The following DYRK1A variants were observed in gnomAD, a reference collection of about 807,000 sequenced individuals.
The protein encoded by DYRK1A is dual specificity tyrosine phosphorylation regulated kinase 1A.
DYRK1A carries 9 observed loss-of-function variants against 79.7 expected under a neutral mutation model. The ratio of observed to expected loss-of-function variants is 0.11; its 90% CI spans 0.07 to 0.20. The LOEUF is 0.20. DYRK1A is among the 10% of genes least tolerant of loss of function. The pLI is 1.00. For synonymous variants in DYRK1A, 349 were observed against 329.7 expected, an observed-to-expected ratio of 1.06 and a Z score of -0.63; for missense variants, 622 against 956.0, an observed-to-expected ratio of 0.65 and a Z score of 4.61.
intron 1 of DYRK1A, among the ~76,000 whole-genome samples, chr21:37,411,217 G>A (rs555614530): frequency 6.6e-5 from 10 of 151,952 alleles, no homozygotes; most frequent in African/African-American, 1.9e-4. Context: ...TTAGCCAGGC[G>A]TGATGGTGTG....
chr21:37,486,007 C>CT (rs1221460754), intron 5 of DYRK1A: 2 of 151,988 alleles, frequency 1.3e-5, no homozygotes, highest in Non-Finnish European at 2.9e-5. Flanking sequence ...AGAAAGTTAT[C>CT]TGAAGCCTTC....
At chr21:37,393,045 C>T (rs2049899482) in intron 1 of DYRK1A, among the ~76,000 whole-genome samples, 1 of 152,250 alleles carries the variant, frequency 6.6e-6, no homozygotes. Context: ...TTCCAAAATC[C>T]TCATCTCCCA....
Position 37,512,632 on chromosome 21 carries a change from C to T in DYRK1A, c.*101C>T. 7.3e-7 allele frequency: 1 copy of T among 1,369,398 alleles called. No individual in the cohort carries two copies. The highest frequency in any genetic ancestry group is 1.4e-5 in the South Asian group (1 of 71,296). 84.8% of individuals were successfully genotyped at this position (1,369,398 alleles called of 1,614,324 possible). ...GCTGCTTGAATCAGGAGGAGATTAA[C>T]ACACTGAACCGCTACAAGAGGGCAA... On this transcript the variant is annotated 3_prime_UTR_variant, in exon 12 of 12. Transcript: ENST00000647188.
chr21:37,504,218 G>T (rs946263176), intron 9 of DYRK1A: 1 of 152,266 alleles, frequency 6.6e-6, no homozygotes, highest in African/African-American at 2.4e-5. Context: ...AAATCTAGTG[G>T]TCTCTATACA....
At chr21:37,388,835 G>A (rs753845109) in intron 1 of DYRK1A, among the ~76,000 whole-genome samples, 16 of 151,472 alleles carry the variant, frequency 1.1e-4, no homozygotes, top group Non-Finnish European at 2.4e-4. Context: ...TAGTAGAGAC[G>A]GGGTTTCACT....
Position 37,524,339 on chromosome 21 carries a change from CAAG to C in DYRK1A, c.*11811_*11813del, listed in dbSNP as rs564665879. On this transcript the variant is annotated 3_prime_UTR_variant, in exon 12 of 12. Transcript: ENST00000647188. ...CACTCATCAAGATATTTCTAATTCA[CAAG>C]AAAGCAATGGTCAGAAAAATTAGAA... 6.6e-5 allele frequency: 10 copies of C among 152,086 alleles called. No individual in the cohort carries two copies. The highest frequency in any genetic ancestry group is 5.9e-5 in the Non-Finnish European group (4 of 68,028). 9.4% of individuals were successfully genotyped at this position (152,086 alleles called of 1,614,324 possible).
chr21:37,427,909 T>C (rs571343776), intron 2 of DYRK1A, among the ~76,000 whole-genome samples: 2 of 152,324 alleles, frequency 1.3e-5, no homozygotes, highest in South Asian at 4.1e-4. Flanking sequence ...CCTTTTATCA[T>C]TCTTTGTTGA....
Position 37,520,037 on chromosome 21 carries a change from T to G in DYRK1A, c.*7506T>G, listed in dbSNP as rs563983470. 6.6e-6 allele frequency: 1 copy of G among 152,250 alleles called. No individual in the cohort carries two copies. Among genetic ancestry groups the G allele is most frequent in the South Asian group, 2.1e-4 (1 of 4,826 alleles). 9.4% of individuals were successfully genotyped at this position (152,250 alleles called of 1,614,324 possible). A position where few individuals can be genotyped will look rare whatever the true frequency, so the allele number is the denominator to read the frequency against. On this transcript the variant is annotated 3_prime_UTR_variant, in exon 12 of 12. Coordinates refer to ENST00000647188, the MANE Select transcript of DYRK1A (RefSeq NM_001347721.2). ...TGGGATTACAGGTGTGAGGGAGTTT[T>G]TCGGTAGTTTGCTTTGCCTTGATAA...
intron 1 of DYRK1A, among the ~76,000 whole-genome samples, chr21:37,388,896 G>A (rs2049815605): frequency 6.6e-6 from 1 of 151,534 alleles, no homozygotes; most frequent in East Asian, 1.9e-4. Context: ...CACCAGCCTC[G>A]GCCTCCCAAA....
chr21:37,407,450 T>C (rs1189026452), intron 1 of DYRK1A, among the ~76,000 whole-genome samples: 1 of 152,210 alleles, frequency 6.6e-6, no homozygotes, highest in Non-Finnish European at 1.5e-5. Flanking sequence ...AACCTGCACT[T>C]CTGTAACAGA....
chr21:37,470,185 G>C (rs2052174375), intron 2 of DYRK1A, among the ~76,000 whole-genome samples: 1 of 152,068 alleles, frequency 6.6e-6, no homozygotes, highest in African/African-American at 2.4e-5. Context: ...TGGAGGTCAG[G>C]ATAGTAGTAA....
intron 1 of DYRK1A, among the ~76,000 whole-genome samples, chr21:37,372,918 A>G (rs1168037169): frequency 1.3e-5 from 2 of 152,082 alleles, no homozygotes; most frequent in Non-Finnish European, 2.9e-5. Flanking sequence ...TGCAAATATG[A>G]TTATTCATAT....
chr21:37,418,094 T>A (rs773290075), intron 1 of DYRK1A, among the ~76,000 whole-genome samples: 8 of 152,220 alleles, frequency 5.3e-5, no homozygotes, highest in Non-Finnish European at 8.8e-5. Context: ...AATTATCTGC[T>A]TATTGTCATA....
At chr21:37,384,655 G>T (rs2049724522) in intron 1 of DYRK1A, among the ~76,000 whole-genome samples, 1 of 152,154 alleles carries the variant, frequency 6.6e-6, no homozygotes, top group Non-Finnish European at 1.5e-5. Context: ...TAAAGAAGCA[G>T]GTTAACATGA....
At chr21:37,448,664 A>G (rs903123782) in intron 2 of DYRK1A, among the ~76,000 whole-genome samples, 1 of 152,154 alleles carries the variant, frequency 6.6e-6, no homozygotes, top group African/African-American at 2.4e-5. Context: ...AAAGGAGGGA[A>G]ATATATATAA....
At chr21:37,423,232 A>C (rs974817015) in intron 2 of DYRK1A, among the ~76,000 whole-genome samples, 2 of 152,132 alleles carry the variant, frequency 1.3e-5, no homozygotes, top group Non-Finnish European at 2.9e-5. Flanking sequence ...AGAGGTTACC[A>C]AAATCTCTGC....
chr21:37,476,245 G>A (rs757168822), intron 3 of DYRK1A, among the ~76,000 whole-genome samples: 15 of 152,176 alleles, frequency 9.9e-5, no homozygotes, highest in Non-Finnish European at 1.6e-4. Context: ...CTGGTTTCGC[G>A]TGTGTAAAAT....
chr21:37,477,186 C>A (rs1403720798), intron 3 of DYRK1A, among the ~76,000 whole-genome samples: 5 of 152,138 alleles, frequency 3.3e-5, no homozygotes, highest in Non-Finnish European at 7.3e-5. Context: ...TGTCACTCTG[C>A]CCCTCCGATT....
intron 11 of DYRK1A, among the ~76,000 whole-genome samples, chr21:37,507,728 C>G (rs949251667): frequency 1.4e-5 from 2 of 141,152 alleles, no homozygotes. Context: ...CTACCCAGCA[C>G]TGAAACCTGG....
Sources: allele counts gnomAD v4.1 joint callset (sites outside exome capture counted in the v4.1 genomes callset), GRCh38; gene constraint gnomAD v4.1.1; transcripts MANE v1.5; gene names NCBI Gene and HGNC (gene_info 2026-07-23, HGNC 2026-07-21).